Variants in DPYD observed in about 807,000 individuals in gnomAD.
DPYD encodes the protein dihydropyrimidine dehydrogenase [NADP(+)].
A neutral mutation model predicts 116.2 loss-of-function variants in DPYD; 109 were observed. The ratio of observed to expected loss-of-function variants is 0.94; its 90% confidence interval spans 0.80 to 1.10. The LOEUF (loss-of-function observed/expected upper bound fraction) is 1.10, where lower values mean the gene tolerates loss of function less well. DPYD is among the 50% of genes least tolerant of loss of function. The pLI, the probability that DPYD is intolerant of heterozygous loss-of-function variation, is 0.00. For missense variants in DPYD, 1,302 were observed against 1,254.5 expected, an observed-to-expected ratio of 1.04 and a Z score of -0.57; for synonymous variants, 440 against 432.0, an observed-to-expected ratio of 1.02 and a Z score of -0.23.
chr1:97,695,403 C>A (rs976801763), intron 6 of DPYD, among the ~76,000 whole-genome samples: 1 of 146,344 alleles, frequency 6.8e-6, no homozygotes, highest in African/African-American at 2.6e-5. Context: ...TACCACTAAT[C>A]CATCATTTTT....
At chr1:97,836,774 A>T (rs930715394) in intron 2 of DPYD, among the ~76,000 whole-genome samples, 1 of 152,084 alleles carries the variant, frequency 6.6e-6, no homozygotes, top group Non-Finnish European at 1.5e-5. Flanking sequence ...ACAAAGAAAA[A>T]TATGCAAGCC....
intron 3 of DPYD, among the ~76,000 whole-genome samples, chr1:97,766,241 C>CA (rs1249037680): frequency 2.2e-4 from 33 of 150,478 alleles, no homozygotes; most frequent in African/African-American, 6.4e-4. Context: ...AACTCAGTCT[C>CA]AAAAAAAATA....
chr1:97,559,036 G>A (rs916569209), intron 11 of DPYD, among the ~76,000 whole-genome samples: 1 of 152,096 alleles, frequency 6.6e-6, no homozygotes, highest in Non-Finnish European at 1.5e-5. Flanking sequence ...CTGCTTGAAG[G>A]AATAGATCAT....
At chr1:97,204,286 C>T (rs187487164) in intron 19 of DPYD, among the ~76,000 whole-genome samples, 101 of 152,068 alleles carry the variant, frequency 6.6e-4, no homozygotes, top group African/African-American at 2.3e-3. Flanking sequence ...GCAGAAAGAC[C>T]AGGAAAATAA....
intron 5 of DPYD, among the ~76,000 whole-genome samples, chr1:97,708,311 T>C (rs1662096952): frequency 6.6e-6 from 1 of 152,116 alleles, no homozygotes; most frequent in Admixed American, 6.6e-5. Flanking sequence ...ATGATCCATC[T>C]TTAATTAATT....
At chr1:97,593,122 GA>G in intron 10 of DPYD, 95 bp downstream of exon 10, 1 of 1,446,462 alleles carries the variant, frequency 6.9e-7, no homozygotes. Context: ...ACTTGAATTT[GA>G]CAATTTCAAC....
At chr1:97,261,889 C>T (rs1663909773) in intron 18 of DPYD, among the ~76,000 whole-genome samples, 1 of 152,066 alleles carries the variant, frequency 6.6e-6, no homozygotes, top group South Asian at 2.1e-4. Context: ...CTGATAATTC[C>T]TTAAACACTA....
chr1:97,500,797 G>C (rs1234500110), intron 13 of DPYD, among the ~76,000 whole-genome samples: 2 of 152,020 alleles, frequency 1.3e-5, no homozygotes, highest in Non-Finnish European at 2.9e-5. Flanking sequence ...CAACCCTTTT[G>C]TTTCCACTAA....
chr1:97,240,570 T>G (rs1662266057), intron 18 of DPYD, among the ~76,000 whole-genome samples: 4 of 152,036 alleles, frequency 2.6e-5, no homozygotes, highest in Admixed American at 2.6e-4. Flanking sequence ...GTTATAATAC[T>G]CATTCGTGCT....
At chr1:97,397,403 T>G (rs755193056) in intron 14 of DPYD, among the ~76,000 whole-genome samples, 3 of 152,052 alleles carry the variant, frequency 2.0e-5, no homozygotes, top group Non-Finnish European at 2.9e-5. Flanking sequence ...CAGAGTTCAC[T>G]CTTGCTGTTA....
intron 3 of DPYD, among the ~76,000 whole-genome samples, chr1:97,764,187 G>T (rs1665726655): frequency 6.6e-6 from 1 of 151,254 alleles, no homozygotes; most frequent in Admixed American, 6.6e-5. Context: ...AAGGAGGGAA[G>T]ATTACATAAA....
At chr1:97,734,096 T>C (rs1187578095) in intron 4 of DPYD, among the ~76,000 whole-genome samples, 2 of 152,212 alleles carry the variant, frequency 1.3e-5, no homozygotes, top group Non-Finnish European at 2.9e-5. Flanking sequence ...TTAGTTTTTA[T>C]TTTAAAATAT....
chr1:97,320,593 C>T (rs1269773506), intron 16 of DPYD, among the ~76,000 whole-genome samples: 1 of 77,546 alleles, frequency 1.3e-5, no homozygotes, highest in East Asian at 3.2e-4. Context: ...AGGACACAAA[C>T]AAATGGAAGA....
chr1:97,220,908 T>G (rs960129778), intron 19 of DPYD, among the ~76,000 whole-genome samples: 1 of 152,162 alleles, frequency 6.6e-6, no homozygotes, highest in Non-Finnish European at 1.5e-5. Flanking sequence ...GATTTACTCT[T>G]TACCCCAAGT....
rs145463327 is a variant in DPYD at position 97,305,114 on chromosome 1, G to A, written c.2299+145C>T. The A allele has an allele frequency of 1.2e-3, 1,441 of 1,192,288 alleles. 1 individual carries two copies. Among genetic ancestry groups the A allele is most frequent in the Non-Finnish European group, 1.6e-3 (1,291 of 824,810 alleles). 73.9% of individuals were successfully genotyped at this position (1,192,288 alleles called of 1,614,324 possible). On this transcript the variant is annotated intron_variant, in intron 18 of 22. Transcript: ENST00000370192. The stretch of plus-strand genomic sequence containing the variant: ...TCACTTGAGCTTTCATATTCAATCC[G>A]TTCTGTCATAACTATTAGGAATATT...
chr1:97,212,403 A>T (rs1660093020), intron 19 of DPYD, among the ~76,000 whole-genome samples: 1 of 152,054 alleles, frequency 6.6e-6, no homozygotes. Context: ...GTGTCAGTCT[A>T]TTTTATTGCT....
chr1:97,672,989 A>G (rs1007853832), intron 8 of DPYD, among the ~76,000 whole-genome samples: 1 of 152,174 alleles, frequency 6.6e-6, no homozygotes, highest in Non-Finnish European at 1.5e-5. Flanking sequence ...ATAAAGACTA[A>G]TTCTTCTTGA....
At chr1:97,720,626 G>A in intron 5 of DPYD, 1 of 1,225,992 alleles carries the variant, frequency 8.2e-7, no homozygotes. Flanking sequence ...TTAAGCTTGA[G>A]GAATATTATG....
intron 5 of DPYD, among the ~76,000 whole-genome samples, chr1:97,704,482 T>G (rs1349116922): frequency 6.6e-6 from 1 of 152,038 alleles, no homozygotes; most frequent in Non-Finnish European, 1.5e-5. Context: ...AAAAGTTAGT[T>G]AAAACAAATT....
Sources: gnomAD v4.1 joint callset for allele counts (sites outside exome capture counted in the v4.1 genomes callset) on GRCh38, gnomAD v4.1.1 for gene constraint, MANE v1.5 for transcripts, NCBI Gene and HGNC (gene_info 2026-07-23, HGNC 2026-07-21) for gene names.